The following RSPH14 variants were observed in gnomAD, a reference collection of about 807,000 sequenced individuals.
The protein encoded by RSPH14 is rhabdoid tumor deletion region gene 1.
In RSPH14, 20 loss-of-function variants were observed where a neutral mutation model predicts 26.7. The ratio of observed to expected loss-of-function variants is 0.75; its 90% CI spans 0.53 to 1.09. RSPH14 has a LOEUF of 1.09. RSPH14 is among the 50% of genes least tolerant of loss of function. The pLI, the probability that RSPH14 is intolerant of heterozygous loss-of-function variation, is 0.00. For synonymous variants in RSPH14, 177 were observed against 189.3 expected, an observed-to-expected ratio of 0.93 and a Z score of 0.53; for missense variants, 449 against 457.2, an observed-to-expected ratio of 0.98 and a Z score of 0.16.
At chr22:23,130,528 G>GAAAGAAAGAAAGAAAGAAAGA (rs1327093127) in intron 4 of RSPH14, among the ~76,000 whole-genome samples, 3 of 150,890 alleles carry the variant, frequency 2.0e-5, no homozygotes, top group Non-Finnish European at 4.4e-5. Context: ...AAGAAAGAAA[G>GAAAGAAAGAAAGAAAGAAAGA]AAAGAGAAAG....
the RSPH14 span, among the ~76,000 whole-genome samples, chr22:23,167,703 ATTAAT>A: frequency 0.03 from 4,573 of 151,880 alleles, 226 homozygotes; most frequent in African/African-American, 0.11. Context: ...TCTTTTTTTA[ATTAAT>A]TTATTTTTTT....
chr22:23,173,857 G>T, the RSPH14 span, among the ~76,000 whole-genome samples: 1 of 151,918 alleles, frequency 6.6e-6, no homozygotes, highest in Admixed American at 6.6e-5. Context: ...ACAGGCATGC[G>T]CCACCACACC....
At chr22:23,072,054 C>T (rs1292137491) in intron 4 of RSPH14, among the ~76,000 whole-genome samples, 1 of 152,118 alleles carries the variant, frequency 6.6e-6, no homozygotes. Flanking sequence ...ACCCCATGAG[C>T]TGGGGTGGGC....
intron 4 of RSPH14, among the ~76,000 whole-genome samples, chr22:23,132,539 G>A (rs1341349563): frequency 6.8e-6 from 1 of 147,292 alleles, no homozygotes; most frequent in Non-Finnish European, 1.5e-5. Flanking sequence ...AACATTTACA[G>A]GACATCCCCT....
upstream of RSPH14, chr22:23,145,517 G>A (rs758021663): frequency 1.2e-6 from 2 of 1,604,334 alleles, no homozygotes; most frequent in South Asian, 2.2e-5. Context: ...GGCGGACCAG[G>A]CCGCGCGGAG....
At chr22:23,152,355 T>A in the RSPH14 span, 4 of 1,153,232 alleles carry the variant, frequency 3.5e-6, no homozygotes, top group Non-Finnish European at 5.2e-6. Flanking sequence ...TGTCCAGGAG[T>A]GAGGGGTGTC....
chr22:23,145,434 G>A (rs1480797190), upstream of RSPH14: 2 of 1,610,702 alleles, frequency 1.2e-6, no homozygotes, highest in Non-Finnish European at 1.7e-6. Context: ...CCCCGCCCAC[G>A]ACGTCGACGA....
At chr22:23,180,181 C>T in the RSPH14 span, 1 of 231,148 alleles carries the variant, frequency 4.3e-6, no homozygotes, top group African/African-American at 2.3e-5. Flanking sequence ...GAGAAGTCCT[C>T]CTGGCCGGAG....
chr22:23,148,429 G>A (rs2146493510), upstream of RSPH14, among the ~76,000 whole-genome samples: 1 of 152,328 alleles, frequency 6.6e-6, no homozygotes, highest in Non-Finnish European at 1.5e-5. Flanking sequence ...GAGGATCAGA[G>A]TTAAGGAGGG....
chr22:23,180,418 C>G, the RSPH14 span: 1 of 169,860 alleles, frequency 5.9e-6, no homozygotes, highest in Non-Finnish European at 1.3e-5. Flanking sequence ...CCCCCCCGCC[C>G]TGTGCCCACG....
the RSPH14 span, among the ~76,000 whole-genome samples, chr22:23,151,120 G>GC: frequency 1.3e-5 from 2 of 152,258 alleles, no homozygotes; most frequent in African/African-American, 4.8e-5. Flanking sequence ...CGATGAGGCT[G>GC]CCAGAGAGCG....
intron 6 of RSPH14, among the ~76,000 whole-genome samples, chr22:23,059,989 G>A (rs1443200142): frequency 6.6e-6 from 1 of 152,174 alleles, no homozygotes; most frequent in East Asian, 1.9e-4. Context: ...AGACCAGCCT[G>A]GGCAACATAA....
At chr22:23,179,548 G>C in the RSPH14 span, among the ~76,000 whole-genome samples, 1 of 152,240 alleles carries the variant, frequency 6.6e-6, no homozygotes, top group East Asian at 1.9e-4. Context: ...GAAGTTCTGA[G>C]TCAGGTCGTC....
the RSPH14 span, among the ~76,000 whole-genome samples, chr22:23,176,573 C>T: frequency 7.2e-5 from 11 of 152,264 alleles, no homozygotes; most frequent in South Asian, 1.2e-3. Context: ...CAGACTTTGT[C>T]GCCCCCACGG....
At chr22:23,180,527 G>C in the RSPH14 span, 1 of 182,838 alleles carries the variant, frequency 5.5e-6, no homozygotes, top group Non-Finnish European at 1.1e-5. Flanking sequence ...CGGGCCGGGC[G>C]GGAGTGCGGC....
At chr22:23,115,027 T>C (rs1398847555) in intron 4 of RSPH14, among the ~76,000 whole-genome samples, 1 of 152,154 alleles carries the variant, frequency 6.6e-6, no homozygotes, top group African/African-American at 2.4e-5. Context: ...GAAACCTTAA[T>C]GTCACGTGCA....
At chr22:23,165,536 A>G in the RSPH14 span, among the ~76,000 whole-genome samples, 1 of 152,384 alleles carries the variant, frequency 6.6e-6, no homozygotes, top group African/African-American at 2.4e-5. Flanking sequence ...CATGCCAGCT[A>G]GAGAGGCTCT....
chr22:23,071,256 G>A lies in RSPH14; in HGVS notation c.422-7123C>T, dbSNP rs546240708. Among the ~76,000 whole-genome samples, 1 of 152,168 alleles carries A rather than the reference G, an allele frequency of 6.6e-6. No individual in the cohort carries two copies. Among genetic ancestry groups the A allele is most frequent in the African/African-American group, 2.4e-5 (1 of 41,456 alleles). On this transcript the variant is annotated intron_variant, in intron 4 of 6. Transcript: ENST00000216036. The surrounding 1 kb of genome is among the most constrained non-coding windows in gnomAD (Gnocchi z 4.1). ...GTGAGGGCCTCAGGGCTGGCGCTCC[G>A]TATCCTGCGGGCGATCCGAGGGGGC...
chr22:23,093,340 T>C (rs907413130), intron 4 of RSPH14, among the ~76,000 whole-genome samples: 1 of 152,178 alleles, frequency 6.6e-6, no homozygotes, highest in Non-Finnish European at 1.5e-5. Context: ...TCTCCATTGA[T>C]TCCTTCCCTC....
Sources: allele counts gnomAD v4.1 joint callset (sites outside exome capture counted in the v4.1 genomes callset), GRCh38; gene constraint gnomAD v4.1.1; non-coding constraint Gnocchi (gnomAD v3.1); transcripts MANE v1.5; gene names NCBI Gene and HGNC (gene_info 2026-07-23, HGNC 2026-07-21).